Variants in KTN1 observed in about 807,000 individuals in gnomAD.
KTN1 encodes kinectin 1, also known as kinectin.
Under a neutral mutation model 222.5 loss-of-function variants are expected in KTN1, and 130 were observed. The ratio of observed to expected loss-of-function variants is 0.58; its 90% confidence interval spans 0.51 to 0.68. The LOEUF (loss-of-function observed/expected upper bound fraction) is 0.68, where lower values mean the gene tolerates loss of function less well. Among genes scored for constraint, KTN1 ranks in the 30% least tolerant of loss-of-function variants. The pLI is 0.00. For synonymous variants in KTN1, 512 were observed against 496.3 expected, an observed-to-expected ratio of 1.03 and a Z score of -0.42; for missense variants, 1,508 against 1,500.4, an observed-to-expected ratio of 1.01 and a Z score of -0.08.
intron 1 of KTN1, among the ~76,000 whole-genome samples, chr14:55,585,698 T>G (rs1415897851): frequency 6.6e-6 from 1 of 152,202 alleles, no homozygotes; most frequent in East Asian, 1.9e-4. Context: ...TCATGTTTGA[T>G]AGATATATAG....
intron 8 of KTN1, among the ~76,000 whole-genome samples, 179 bp downstream of exon 8, chr14:55,633,520 C>G (rs1594974499): frequency 1.3e-5 from 2 of 151,240 alleles, no homozygotes; most frequent in Non-Finnish European, 2.9e-5. Context: ...TTCAGTTATA[C>G]ATATGTAAAC....
At chr14:55,655,499 A>C (rs1346922740) in intron 28 of KTN1, among the ~76,000 whole-genome samples, 1 of 152,156 alleles carries the variant, frequency 6.6e-6, no homozygotes, top group Non-Finnish European at 1.5e-5. Context: ...AATGGATAAG[A>C]TTTCCTATCC....
intron 30 of KTN1, 129 bp downstream of exon 30, chr14:55,658,743 A>C: frequency 3.3e-6 from 2 of 600,184 alleles, no homozygotes; most frequent in South Asian, 2.3e-5. Context: ...ATGTTTATCA[A>C]ATTTTATATA....
intron 40 of KTN1, chr14:55,674,697 A>T (rs1479111668): frequency 6.6e-6 from 1 of 152,152 alleles, no homozygotes; most frequent in Non-Finnish European, 1.5e-5. Flanking sequence ...ACATGGTTAC[A>T]TCTCCACTTG....
chr14:55,643,038 T>C (rs983272217), intron 18 of KTN1, among the ~76,000 whole-genome samples: 3 of 152,080 alleles, frequency 2.0e-5, no homozygotes, highest in South Asian at 2.1e-4. Flanking sequence ...GTCTCCTGAG[T>C]AGCTGGGACT....
Position 55,656,142 on chromosome 14 carries a change from G to A in KTN1, c.2892+10G>A, listed in dbSNP as rs1194562348. The A allele has an allele frequency of 2.3e-5, 35 of 1,534,278 alleles. No individual in the cohort carries two copies. The East Asian group carries it at 7.9e-4, about 35-fold the overall frequency. Reference sequence around the variant, plus strand: ...AACACAGCTGTTACAGGTGAATATGGTGACTTAAAATTAATTATTTTGTAA... The same window carrying A: ...AACACAGCTGTTACAGGTGAATATGATGACTTAAAATTAATTATTTTGTAA... On this transcript the variant is annotated intron_variant, in intron 29 of 43. Coordinates refer to ENST00000395314, the MANE Select transcript of KTN1 (RefSeq NM_001079521.2).
intron 28 of KTN1, among the ~76,000 whole-genome samples, chr14:55,655,492 G>A (rs149795812): frequency 1.3e-5 from 2 of 152,264 alleles, no homozygotes; most frequent in African/African-American, 4.8e-5. Context: ...ATACCGAAAT[G>A]GATAAGATTT....
intron 31 of KTN1, among the ~76,000 whole-genome samples, chr14:55,660,564 TA>T (rs1179087249): frequency 1.3e-5 from 2 of 152,098 alleles, no homozygotes; most frequent in Non-Finnish European, 2.9e-5. Context: ...GGAATATTGT[TA>T]ATTTTTTTTC....
chr14:55,609,123 C>G (rs1175510115), intron 1 of KTN1, among the ~76,000 whole-genome samples: 1 of 152,030 alleles, frequency 6.6e-6, no homozygotes, highest in Non-Finnish European at 1.5e-5. Flanking sequence ...GCTGCACCTA[C>G]TGACCCATCC....
At chr14:55,586,769 A>T (rs1227171687) in intron 1 of KTN1, among the ~76,000 whole-genome samples, 2 of 152,204 alleles carry the variant, frequency 1.3e-5, no homozygotes, top group African/African-American at 4.8e-5. Context: ...TGGAGAAAAC[A>T]GTAAAAGCTA....
chr14:55,593,349 A>G (rs2034460697), intron 1 of KTN1, among the ~76,000 whole-genome samples: 1 of 151,316 alleles, frequency 6.6e-6, no homozygotes, highest in Non-Finnish European at 1.5e-5. Context: ...TGTTGGACAG[A>G]CTCATTATTT....
intron 1 of KTN1, among the ~76,000 whole-genome samples, chr14:55,587,592 G>A (rs1453832982): frequency 6.6e-6 from 1 of 152,156 alleles, no homozygotes; most frequent in Non-Finnish European, 1.5e-5. Context: ...TCACTTACGT[G>A]CCACCAACCT....
chr14:55,598,411 G>C (rs541217320), intron 1 of KTN1, among the ~76,000 whole-genome samples: 1 of 149,612 alleles, frequency 6.7e-6, no homozygotes, highest in African/African-American at 2.5e-5. Context: ...CTCCAGCCTC[G>C]GCGACAGAGC....
intron 21 of KTN1, among the ~76,000 whole-genome samples, chr14:55,649,344 G>C (rs572850194): frequency 1.4e-5 from 2 of 141,278 alleles, no homozygotes; most frequent in Non-Finnish European, 3.1e-5. Flanking sequence ...CAGTAATAGA[G>C]GCTGCAATTT....
chr14:55,599,892 TTAAA>T (rs753964530), intron 1 of KTN1, among the ~76,000 whole-genome samples: 34 of 152,252 alleles, frequency 2.2e-4, no homozygotes, highest in Admixed American at 1.2e-3. Context: ...ATACTACTTA[TTAAA>T]TCTATTTTTT....
At chr14:55,637,387 T>C in intron 11 of KTN1, 23 bp downstream of exon 11, 1 of 1,512,128 alleles carries the variant, frequency 6.6e-7, no homozygotes, top group South Asian at 1.3e-5. Flanking sequence ...CTTTTTTTTT[T>C]TTTAAAAAAA....
At chr14:55,646,246 A>G (rs2042261477) in intron 18 of KTN1, among the ~76,000 whole-genome samples, 1 of 152,136 alleles carries the variant, frequency 6.6e-6, no homozygotes, top group African/African-American at 2.4e-5. Flanking sequence ...GTTTTAAAAC[A>G]TTTTATATCT....
chr14:55,641,443 T>C (rs1324692418), intron 17 of KTN1, among the ~76,000 whole-genome samples: 1 of 152,062 alleles, frequency 6.6e-6, no homozygotes, highest in Admixed American at 6.6e-5. Flanking sequence ...TCTCAGCTGA[T>C]AGTTTCTATT....
intron 18 of KTN1, chr14:55,644,474 G>A (rs1403100630): frequency 4.3e-6 from 3 of 691,158 alleles, no homozygotes; most frequent in Non-Finnish European, 7.9e-6. Flanking sequence ...CCTAAAGGAG[G>A]GAAGGCTGCA....
Sources: gnomAD v4.1 joint callset for allele counts (sites outside exome capture counted in the v4.1 genomes callset) on GRCh38, gnomAD v4.1.1 for gene constraint, MANE v1.5 for transcripts, NCBI Gene and HGNC (gene_info 2026-07-23, HGNC 2026-07-21) for gene names.